DLG2: variants seen among roughly 807,000 people sequenced by gnomAD.
DLG2 encodes discs large MAGUK scaffold protein 2.
A neutral mutation model predicts 132.5 loss-of-function variants in DLG2; 45 were observed. The ratio of observed to expected loss-of-function variants is 0.34; its 90% CI spans 0.27 to 0.44. DLG2 has a LOEUF of 0.44. Ranked by LOEUF, DLG2 falls within the 20% of genes least tolerant of loss-of-function variation. The pLI, the probability that DLG2 is intolerant of heterozygous loss-of-function variation, is 1.00. For missense variants in DLG2, 1,045 were observed against 1,196.9 expected (o/e 0.87, Z 1.87); for synonymous variants, 424 against 419.6 (o/e 1.01, Z -0.13).
At chr11:85,376,266 A>G (rs936138871) in intron 3 of DLG2, among the ~76,000 whole-genome samples, 9 of 152,204 alleles carry the variant, frequency 5.9e-5, no homozygotes, top group African/African-American at 2.2e-4. Flanking sequence ...GGAAGACTTC[A>G]TTCAGCAAGC....
At chr11:85,404,891 G>C (rs1354416663) in intron 3 of DLG2, among the ~76,000 whole-genome samples, 2 of 151,912 alleles carry the variant, frequency 1.3e-5, no homozygotes, top group Admixed American at 6.6e-5. Context: ...AAGTAATCGT[G>C]TTTTATAACT....
At chr11:84,134,914 G>A (rs180839757) in intron 9 of DLG2, among the ~76,000 whole-genome samples, 1 of 152,024 alleles carries the variant, frequency 6.6e-6, no homozygotes, top group East Asian at 1.9e-4. Context: ...CTAGCCAAGG[G>A]GTGAAGGGCA....
intron 15 of DLG2, among the ~76,000 whole-genome samples, chr11:83,917,769 T>C (rs1211184873): frequency 1.1e-4 from 16 of 152,234 alleles, no homozygotes; most frequent in African/African-American, 3.9e-4. Context: ...CCAATGAATG[T>C]CTACTACGTG....
chr11:85,468,822 A>T (rs2092891591), intron 3 of DLG2, among the ~76,000 whole-genome samples: 1 of 151,770 alleles, frequency 6.6e-6, no homozygotes, highest in African/African-American at 2.4e-5. Context: ...TAGATGTCTA[A>T]TTTTTTTTAA....
chr11:84,760,378 A>G (rs2067448847), intron 6 of DLG2, among the ~76,000 whole-genome samples: 2 of 152,220 alleles, frequency 1.3e-5, no homozygotes, highest in African/African-American at 2.4e-5. Flanking sequence ...GAAAGGGCAA[A>G]AAGTCCCCAT....
intron 4 of DLG2, among the ~76,000 whole-genome samples, chr11:85,196,154 A>G (rs895655510): frequency 1.3e-5 from 2 of 152,176 alleles, no homozygotes; most frequent in Non-Finnish European, 2.9e-5. Flanking sequence ...CAAGGTTGTA[A>G]AATCAGTGAC....
chr11:85,048,102 CCTT>C (rs918898956), intron 6 of DLG2, among the ~76,000 whole-genome samples: 2 of 151,744 alleles, frequency 1.3e-5, no homozygotes, highest in African/African-American at 4.8e-5. Context: ...TAGAGCAATA[CCTT>C]TTTTTGACCT....
intron 22 of DLG2, chr11:83,480,717 C>T: frequency 8.8e-7 from 1 of 1,141,726 alleles, no homozygotes; most frequent in Admixed American, 2.1e-5. Flanking sequence ...CATTCATATA[C>T]CTCTGACTTT....
intron 6 of DLG2, among the ~76,000 whole-genome samples, chr11:84,838,086 T>A (rs1401728470): frequency 6.6e-6 from 1 of 151,884 alleles, no homozygotes; most frequent in Non-Finnish European, 1.5e-5. Flanking sequence ...CTTCTTAAAA[T>A]AGGGAAATAA....
intron 11 of DLG2, among the ~76,000 whole-genome samples, chr11:84,026,132 T>C (rs1338293132): frequency 6.6e-6 from 1 of 151,740 alleles, no homozygotes; most frequent in African/African-American, 2.4e-5. Context: ...GGGAGGAAAA[T>C]AGTAGAGGCA....
intron 6 of DLG2, among the ~76,000 whole-genome samples, chr11:84,602,592 A>G (rs1356281600): frequency 2.6e-5 from 4 of 152,018 alleles, no homozygotes; most frequent in Non-Finnish European, 5.9e-5. Context: ...CCATCTACAT[A>G]TATTAAAACA....
At chr11:84,095,304 G>C (rs2097150726) in intron 10 of DLG2, among the ~76,000 whole-genome samples, 1 of 152,110 alleles carries the variant, frequency 6.6e-6, no homozygotes, top group African/African-American at 2.4e-5. Context: ...AAGGAGTTCG[G>C]TTATCTCACC....
At chr11:84,097,109 T>A (rs535973073) in intron 10 of DLG2, among the ~76,000 whole-genome samples, 1 of 152,330 alleles carries the variant, frequency 6.6e-6, no homozygotes, top group South Asian at 2.1e-4. Flanking sequence ...CAGTCCTCAA[T>A]GTGGCTCCAT....
chr11:84,644,897 C>G (rs2099672736), intron 6 of DLG2, among the ~76,000 whole-genome samples: 2 of 152,202 alleles, frequency 1.3e-5, no homozygotes, highest in East Asian at 1.9e-4. Context: ...GCCATTGTTT[C>G]AAGACACACA....
At position 85,589,966 on chromosome 11, in the gene DLG2, TATA is replaced by T. The variant is rs1050016947; in HGVS notation, c.40+8688_40+8690del. ...AGTATCTAAACATTTTTTAATATAG[TATA>T]ATAATATGAATTTGATCAGCTCAAG... On this transcript the variant is annotated intron_variant, in intron 3 of 27. Coordinates refer to ENST00000376104, the MANE Select transcript of DLG2 (RefSeq NM_001142699.3). Among the ~76,000 whole-genome samples the T allele has an allele frequency of 2.2e-4, 33 of 152,304 alleles. No individual in the cohort carries two copies. The East Asian group carries it at 5.6e-3, about 26-fold the overall frequency.
intron 6 of DLG2, among the ~76,000 whole-genome samples, chr11:84,718,496 CA>C (rs541606485): frequency 6.6e-6 from 1 of 152,014 alleles, no homozygotes; most frequent in Non-Finnish European, 1.5e-5. Flanking sequence ...GAAAACCTAA[CA>C]GCATAAAAGA....
chr11:83,668,038 G>T, intron 18 of DLG2, among the ~76,000 whole-genome samples: 1 of 129,566 alleles, frequency 7.7e-6, no homozygotes, highest in East Asian at 2.3e-4. Context: ...CTGGCTGCCA[G>T]TCACTTTGCA....
intron 3 of DLG2, among the ~76,000 whole-genome samples, chr11:85,464,778 C>A (rs370384062): frequency 1.3e-5 from 2 of 151,522 alleles, no homozygotes; most frequent in South Asian, 2.1e-4. Context: ...GCTTGGGGGT[C>A]AGAAGCATGA....
At chr11:85,174,701 A>C (rs1172293796) in intron 4 of DLG2, among the ~76,000 whole-genome samples, 1 of 152,176 alleles carries the variant, frequency 6.6e-6, no homozygotes, top group African/African-American at 2.4e-5. Context: ...ACTATTAATA[A>C]AATAGATAGA....
Sources: allele counts gnomAD v4.1 joint callset (sites outside exome capture counted in the v4.1 genomes callset), GRCh38; gene constraint gnomAD v4.1.1; transcripts MANE v1.5; gene names NCBI Gene and HGNC (gene_info 2026-07-23, HGNC 2026-07-21).